TRAPPC12: variants seen among roughly 807,000 people sequenced by gnomAD.
TRAPPC12 encodes TPR repeat protein 15.
A neutral mutation model predicts 69.2 loss-of-function variants in TRAPPC12; 61 were observed. The observed-to-expected ratio is 0.88, with a 90% CI of 0.72 to 1.09. The LOEUF (loss-of-function observed/expected upper bound fraction) is 1.09. Ranked by LOEUF, TRAPPC12 falls within the 50% of genes least tolerant of loss-of-function variation. The probability of loss-of-function intolerance (pLI) is 0.00; values close to 1 mark genes in which losing one functional copy is unlikely to be tolerated. For synonymous variants in TRAPPC12, 469 were observed against 438.9 expected (o/e 1.07, Z -0.86); for missense variants, 1,101 against 1,016.4 (o/e 1.08, Z -1.13).
intron 8 of TRAPPC12, among the ~76,000 whole-genome samples, chr2:3,464,253 G>T (rs559377596): frequency 6.6e-6 from 1 of 152,226 alleles, no homozygotes; most frequent in South Asian, 2.1e-4. Context: ...GCAGGAAGGC[G>T]TGGGAAAGGA....
At chr2:3,466,714 A>G (rs1453644734) in intron 9 of TRAPPC12, among the ~76,000 whole-genome samples, 4 of 152,192 alleles carry the variant, frequency 2.6e-5, no homozygotes, top group Non-Finnish European at 1.5e-5. Context: ...AGCCCTGTCC[A>G]TGGGCCCCTG....
intron 10 of TRAPPC12, chr2:3,478,093 C>T (rs1666375150): frequency 1.4e-5 from 3 of 214,728 alleles, no homozygotes; most frequent in Non-Finnish European, 2.7e-5. Flanking sequence ...GCTGGCGTAG[C>T]GGCCGTTCTG....
intron 5 of TRAPPC12, among the ~76,000 whole-genome samples, chr2:3,442,667 A>G (rs1354743494): frequency 6.6e-6 from 1 of 152,174 alleles, no homozygotes; most frequent in Non-Finnish European, 1.5e-5. Flanking sequence ...AGTGTTCCTT[A>G]ATTTTGACTG....
chr2:3,444,492 A>T (rs994412843), intron 6 of TRAPPC12, among the ~76,000 whole-genome samples: 3 of 152,262 alleles, frequency 2.0e-5, no homozygotes, highest in African/African-American at 7.2e-5. Context: ...TGCTGTCTAC[A>T]GGTTGTTATA....
chr2:3,399,693 T>A (rs947918892), intron 2 of TRAPPC12, among the ~76,000 whole-genome samples: 7 of 152,174 alleles, frequency 4.6e-5, no homozygotes, highest in Admixed American at 3.3e-4. Context: ...ATTCTCTTGC[T>A]CTCATGGTCT....
chr2:3,478,878 C>T lies in TRAPPC12; in HGVS notation c.1910C>T (p.Ala637Val), dbSNP rs763918899. 6.2e-6 allele frequency: 10 copies of T among 1,614,048 alleles called. No individual in the cohort carries two copies. In the East Asian group the frequency reaches 1.1e-4, roughly 18 times the overall value. ...CTTCACCTCGGGCAGAATAACTTTG[C>T]AGAAGCCCACAGGTTCTTCACAGAG... ...AFLHLGQNNF[A>V]EAHRFFTEIL... The change falls in exon 11 of 12, where the codon GCA becomes GTA. Residue 637 changes from alanine to valine, a missense_variant. Physicochemically the swap from Ala to Val is moderately conservative, Grantham distance 64 (BLOSUM62 0). Transcript: ENST00000324266.
At chr2:3,471,169 CA>C (rs1666041717) in intron 9 of TRAPPC12, among the ~76,000 whole-genome samples, 1 of 152,184 alleles carries the variant, frequency 6.6e-6, no homozygotes, top group Non-Finnish European at 1.5e-5. Context: ...TTTAATATTT[CA>C]AAACGTATTC....
chr2:3,401,384 A>C (rs996949517), intron 2 of TRAPPC12, among the ~76,000 whole-genome samples: 8 of 152,188 alleles, frequency 5.3e-5, no homozygotes, highest in African/African-American at 7.2e-5. Flanking sequence ...CCTGGTCCCC[A>C]GCAGTGTCAC....
At position 3,388,119 on chromosome 2, in the gene TRAPPC12, C is replaced by A. The variant is rs758495770; in HGVS notation, c.496C>A (p.Arg166Ser). 73 of 1,576,272 alleles carry A rather than the reference C, an allele frequency of 4.6e-5. No individual in the cohort carries two copies. The African/African-American group carries it at 5.4e-4, about 12-fold the overall frequency. ...CCCGGTGTGCACCATCTTCAGCCAG[C>A]GCGCGCCCCCAGCCTCCGGGGACGG... ...PVPVCTIFSQ[R>S]APPASGDGFE... Residue 166 changes from arginine to serine, a missense_variant, in exon 2 of 12, where the codon CGC becomes AGC. Transcript: ENST00000324266.
intron 3 of TRAPPC12, among the ~76,000 whole-genome samples, chr2:3,419,687 C>T: frequency 6.6e-6 from 1 of 151,684 alleles, no homozygotes; most frequent in East Asian, 1.9e-4. Flanking sequence ...TAAGAAATCT[C>T]ATTTGAGTTG....
chr2:3,451,168 A>C (rs995700326), intron 6 of TRAPPC12, among the ~76,000 whole-genome samples: 3 of 152,218 alleles, frequency 2.0e-5, no homozygotes, highest in African/African-American at 7.2e-5. Flanking sequence ...CATTCTTTGG[A>C]CAAAACACAA....
chr2:3,404,974 A>AAAAGG (rs1186512332), intron 3 of TRAPPC12, among the ~76,000 whole-genome samples: 2 of 152,110 alleles, frequency 1.3e-5, no homozygotes, highest in African/African-American at 4.8e-5. Flanking sequence ...GCAATGACAG[A>AAAAGG]AAAGGAAAGG....
chr2:3,464,606 G>A (rs1403648530), intron 8 of TRAPPC12, among the ~76,000 whole-genome samples: 3 of 152,232 alleles, frequency 2.0e-5, no homozygotes, highest in Admixed American at 6.5e-5. Context: ...GAGAATGCAG[G>A]GGAGCATTTA....
chr2:3,421,587 A>T, intron 3 of TRAPPC12: 1 of 621,612 alleles, frequency 1.6e-6, no homozygotes. Context: ...GCTTTCCAAT[A>T]AAAAGCCTCT....
chr2:3,418,413 C>T (rs1662573651), intron 3 of TRAPPC12, among the ~76,000 whole-genome samples: 3 of 152,292 alleles, frequency 2.0e-5, no homozygotes, highest in South Asian at 2.1e-4. Flanking sequence ...AAGCCACTCG[C>T]GGGCTGAAGT....
intron 2 of TRAPPC12, chr2:3,388,909 ACAGTTCTACCGTAATTCTCTCAGT>A: frequency 2.2e-6 from 1 of 453,622 alleles, no homozygotes; most frequent in Non-Finnish European, 3.8e-6. Flanking sequence ...ACCAAGGCAG[ACAGTTCTACCGTAATTCTCTCAGT>A]CAGTTCTCCA....
chr2:3,430,299 G>C (rs1295578139), intron 5 of TRAPPC12, among the ~76,000 whole-genome samples: 1 of 152,210 alleles, frequency 6.6e-6, no homozygotes, highest in African/African-American at 2.4e-5. Flanking sequence ...GCATATGTGA[G>C]AGTGACCATG....
intron 3 of TRAPPC12, among the ~76,000 whole-genome samples, chr2:3,409,121 A>G (rs1661895577): frequency 6.6e-6 from 1 of 152,104 alleles, no homozygotes; most frequent in Non-Finnish European, 1.5e-5. Flanking sequence ...CTTGCTCACA[A>G]CTTTGCAAAA....
At chr2:3,465,955 C>G (rs1398685572) in intron 9 of TRAPPC12, 2 of 547,634 alleles carry the variant, frequency 3.7e-6, no homozygotes, top group East Asian at 3.2e-5. Flanking sequence ...ATGAGTTACT[C>G]TAGACATTGT....
Sources: gnomAD v4.1 joint callset for allele counts (sites outside exome capture counted in the v4.1 genomes callset) on GRCh38, gnomAD v4.1.1 for gene constraint, MANE v1.5 for transcripts, NCBI Gene and HGNC (gene_info 2026-07-23, HGNC 2026-07-21) for gene names.